Variants in TMEM184B observed in about 807,000 individuals in gnomAD.
The protein encoded by TMEM184B is putative MAPK-activating protein FM08.
TMEM184B carries 17 observed loss-of-function variants against 41.8 expected under a neutral mutation model. That is an observed-to-expected ratio of 0.41 (90% CI 0.28 to 0.61). TMEM184B has a LOEUF of 0.61. Among genes scored for constraint, TMEM184B ranks in the 20% least tolerant of loss-of-function variants. The pLI is 0.34. For missense variants in TMEM184B, 393 were observed against 557.8 expected (o/e 0.70, Z 2.98); for synonymous variants, 240 against 229.5 (o/e 1.05, Z -0.41).
chr22:38,234,836 C>T (rs1398328537), intron 3 of TMEM184B, among the ~76,000 whole-genome samples: 1 of 152,188 alleles, frequency 6.6e-6, no homozygotes, highest in East Asian at 1.9e-4. Context: ...GAACTGTGGT[C>T]CCACCTCTTA....
intron 5 of TMEM184B, among the ~76,000 whole-genome samples, chr22:38,229,532 A>C (rs2091549944): frequency 6.6e-6 from 1 of 152,248 alleles, no homozygotes; most frequent in African/African-American, 2.4e-5. Context: ...CCAGGCCCAC[A>C]CACTGAGCGA....
rs554892542 is a variant in TMEM184B, at chr22:38,221,125, G to T, written c.*344C>A. 1.8e-4 allele frequency: 206 copies of T among 1,135,672 alleles called. 1 individual carries two copies. In the African/African-American group the frequency reaches 3.1e-3, roughly 17 times the overall value. The allele number at this position is 1,135,672 out of a possible 1,614,324, so 70.3% of individuals were successfully genotyped here. A position where few individuals can be genotyped will look rare whatever the true frequency, so the allele number is the denominator to read the frequency against. On this transcript the variant is annotated 3_prime_UTR_variant, in exon 9 of 9. Transcript: ENST00000361906. ...TCTCGCGGGGAGGAGGGGCTAGAAG[G>T]CTGCAGCCGCTGGTCCACACACAAG...
intron 5 of TMEM184B, among the ~76,000 whole-genome samples, chr22:38,227,977 T>G (rs1314443078): frequency 6.6e-6 from 1 of 152,096 alleles, no homozygotes; most frequent in Non-Finnish European, 1.5e-5. Context: ...GGAGGTTAAA[T>G]CCAATCCAAA....
At chr22:38,254,204 C>CAAAAA (rs61216492) in intron 1 of TMEM184B, among the ~76,000 whole-genome samples, 29 of 86,538 alleles carry the variant, frequency 3.4e-4, no homozygotes, top group East Asian at 2.0e-3. Flanking sequence ...CTCTTGTCTC[C>CAAAAA]AAAAAAAAAA....
At chr22:38,263,234 C>T (rs1417530620) in intron 1 of TMEM184B, among the ~76,000 whole-genome samples, 2 of 152,152 alleles carry the variant, frequency 1.3e-5, no homozygotes, top group Non-Finnish European at 2.9e-5. Flanking sequence ...CGTACATTCA[C>T]CTGCTTCAGC....
intron 1 of TMEM184B, among the ~76,000 whole-genome samples, chr22:38,269,346 A>G (rs1018373745): frequency 2.0e-5 from 3 of 152,060 alleles, no homozygotes; most frequent in African/African-American, 7.2e-5. Flanking sequence ...TTAGCCTCCC[A>G]AGTAGCTGGG....
Position 38,225,720 on chromosome 22 carries a change from G to T in TMEM184B, c.618-127C>A, listed in dbSNP as rs2091414120. On this transcript the variant is annotated intron_variant, in intron 6 of 8. Transcript: ENST00000361906. The surrounding 1 kb of genome is among the most constrained non-coding windows in gnomAD (Gnocchi z 4.4). ...CTCCAGCAGAGCTCAACGAGCCACTGAAGGGGTCAGAATGGGTGATCAAAG... is the reference window on the plus strand; with the variant it reads ...CTCCAGCAGAGCTCAACGAGCCACTTAAGGGGTCAGAATGGGTGATCAAAG... The T allele has an allele frequency of 9.2e-7, 1 of 1,082,526 alleles. No individual in the cohort carries two copies. Among genetic ancestry groups the T allele is most frequent in the Admixed American group, 3.5e-5 (1 of 28,302 alleles). The allele number at this position is 1,082,526 out of a possible 1,614,324, so 67.1% of individuals were successfully genotyped here.
intron 1 of TMEM184B, among the ~76,000 whole-genome samples, chr22:38,252,665 C>T (rs375380986): frequency 6.6e-6 from 1 of 152,164 alleles, no homozygotes; most frequent in Admixed American, 6.5e-5. Context: ...TCAGAGAAGG[C>T]TTCCATGTGG....
chr22:38,256,134 T>A (rs996574621), intron 1 of TMEM184B, among the ~76,000 whole-genome samples: 3 of 152,122 alleles, frequency 2.0e-5, no homozygotes, highest in African/African-American at 7.2e-5. Flanking sequence ...GTGGATCATC[T>A]GAGGTCGGGA....
Position 38,226,878 on chromosome 22 carries a change from G to A in TMEM184B, c.526-8C>T, listed in dbSNP as rs754554987. On this transcript the variant is annotated splice_polypyrimidine_tract_variant and splice_region_variant and intron_variant, in intron 5 of 8. Transcript: ENST00000361906. This position sits in a 1 kb window ranked among gnomAD's most constrained non-coding sequence, Gnocchi z 4.6. Reference sequence around the variant, plus strand: ...ACAGAACTGCAGGGTGGCCTGTTGGGGGGAAAAGGAGGTTGAGTGTGGAGG... The same window carrying A: ...ACAGAACTGCAGGGTGGCCTGTTGGAGGGAAAAGGAGGTTGAGTGTGGAGG... 6.3e-7 allele frequency: 1 copy of A among 1,580,414 alleles called. No individual in the cohort carries two copies. Among genetic ancestry groups the A allele is most frequent in the Non-Finnish European group, 8.6e-7 (1 of 1,163,282 alleles).
chr22:38,221,583 C>T lies in TMEM184B; in HGVS notation c.1110G>A (p.Leu370=), dbSNP rs2091262009. The change falls in exon 9 of 9, where the codon CTG becomes CTA. Residue 370 remains leucine (L), a synonymous_variant. Transcript: ENST00000361906. ...AYQQYTQQST[L]EPGPTWRGGA... ...CACCACGCCAGGTGGGCCCAGGCTCCAGGGTGGACTGCTGCGTGTACTGCT... is the reference window on the plus strand; with the variant it reads ...CACCACGCCAGGTGGGCCCAGGCTCTAGGGTGGACTGCTGCGTGTACTGCT... 4 of 1,614,088 alleles carry T rather than the reference C, an allele frequency of 2.5e-6. No individual in the cohort carries two copies. Among genetic ancestry groups the T allele is most frequent in the Non-Finnish European group, 3.4e-6 (4 of 1,179,978 alleles).
Position 38,257,972 on chromosome 22 carries a change from C to T in TMEM184B, c.-58-9953G>A, listed in dbSNP as rs142736043. Among the ~76,000 whole-genome samples the T allele has an allele frequency of 2.3e-3, 354 of 152,290 alleles. 1 individual carries two copies. Among genetic ancestry groups the T allele is most frequent in the African/African-American group, 8.1e-3 (337 of 41,556 alleles). ...CAGACAAGGCCCCCTGGCTCAGTTC[C>T]AGGCTGCAGATCAGACAGAAAACAA... is the stretch of plus-strand genomic sequence containing the variant. On this transcript the variant is annotated intron_variant, in intron 1 of 8. Transcript: ENST00000361906.
intron 1 of TMEM184B, among the ~76,000 whole-genome samples, chr22:38,261,837 A>C (rs2092372734): frequency 6.6e-6 from 1 of 152,212 alleles, no homozygotes; most frequent in Non-Finnish European, 1.5e-5. Context: ...CTGTCCCTGT[A>C]ATCAAGAAGC....
Position 38,226,521 on chromosome 22 carries a change from T to C in TMEM184B, c.617+258A>G. ...GCCTCAGCAGTGGTCACTGTCCCTT[T>C]GTGGCCCATCCCTTCATGGTACCAC... On this transcript the variant is annotated intron_variant, in intron 6 of 8. Coordinates refer to ENST00000361906, the MANE Select transcript of TMEM184B (RefSeq NM_012264.5). This position sits in a 1 kb window ranked among gnomAD's most constrained non-coding sequence, Gnocchi z 4.6. 2.3e-6 allele frequency: 1 copy of C among 431,864 alleles called. No individual in the cohort carries two copies. The highest frequency in any genetic ancestry group is 4.4e-6 in the Non-Finnish European group (1 of 229,096). 26.8% of individuals were successfully genotyped at this position (431,864 alleles called of 1,614,324 possible). A position where few individuals can be genotyped will look rare whatever the true frequency, so the allele number is the denominator to read the frequency against.
Position 38,226,629 on chromosome 22 carries a change from G to T in TMEM184B, c.617+150C>A. 1.3e-6 allele frequency: 1 copy of T among 745,670 alleles called. No homozygotes were observed. Among genetic ancestry groups the T allele is most frequent in the Non-Finnish European group, 2.2e-6 (1 of 457,164 alleles). 46.2% of individuals were successfully genotyped at this position (745,670 alleles called of 1,614,324 possible). A position where few individuals can be genotyped will look rare whatever the true frequency, so the allele number is the denominator to read the frequency against. ...GGGGCCAACTGCAAGGGTGTCCACT[G>T]CTGGGCTCAGACTTCAGGGGGGTTG... On this transcript the variant is annotated intron_variant, in intron 6 of 8. Coordinates refer to ENST00000361906, the MANE Select transcript of TMEM184B (RefSeq NM_012264.5). This position sits in a 1 kb window ranked among gnomAD's most constrained non-coding sequence, Gnocchi z 4.6.
intron 2 of TMEM184B, chr22:38,246,841 G>T (rs543838057): frequency 1.5e-6 from 2 of 1,302,006 alleles, no homozygotes; most frequent in Admixed American, 2.3e-5. Context: ...TGGGTGTCTC[G>T]TCCCAGCTCT....
chr22:38,245,128 T>A (rs1389419133), intron 3 of TMEM184B, among the ~76,000 whole-genome samples: 2 of 152,184 alleles, frequency 1.3e-5, no homozygotes, highest in African/African-American at 4.8e-5. Flanking sequence ...GCCCTCAGAA[T>A]TAAGACCCAT....
chr22:38,265,651 C>A (rs1337067029), intron 1 of TMEM184B, among the ~76,000 whole-genome samples: 1 of 152,202 alleles, frequency 6.6e-6, no homozygotes, highest in African/African-American at 2.4e-5. Flanking sequence ...CAAAGCCCCA[C>A]AAATTCCAAT....
At chr22:38,245,805 T>G in intron 3 of TMEM184B, 130 bp downstream of exon 3, 1 of 967,820 alleles carries the variant, frequency 1.0e-6, no homozygotes, top group Non-Finnish European at 1.5e-6. Context: ...ACAGAAACCC[T>G]GTAGTAGGTA....
Sources: gnomAD v4.1 joint callset for allele counts (sites outside exome capture counted in the v4.1 genomes callset) on GRCh38, gnomAD v4.1.1 for gene constraint, Gnocchi (gnomAD v3.1) non-coding constraint, MANE v1.5 for transcripts, NCBI Gene and HGNC (gene_info 2026-07-23, HGNC 2026-07-21) for gene names.